The following NELL1 variants were observed in gnomAD, a reference collection of about 807,000 sequenced individuals.
The protein encoded by NELL1 is protein kinase C-binding protein NELL1.
Under a neutral mutation model 107.4 loss-of-function variants are expected in NELL1, and 76 were observed. The observed-to-expected ratio is 0.71, with a 90% CI of 0.59 to 0.86. The LOEUF (loss-of-function observed/expected upper bound fraction) is 0.86, where lower values mean the gene tolerates loss of function less well. Ranked by LOEUF, NELL1 falls within the 40% of genes least tolerant of loss-of-function variation. NELL1 has a pLI of 0.00. For missense variants in NELL1, 1,024 were observed against 1,005.5 expected (o/e 1.02, Z -0.25); for synonymous variants, 353 against 341.2 (o/e 1.03, Z -0.38).
chr11:21,479,929 C>T (rs115876261), intron 15 of NELL1, among the ~76,000 whole-genome samples: 9,105 of 152,054 alleles, frequency 0.06, 336 homozygotes, highest in African/African-American at 0.093. Flanking sequence ...TCGAGATAAA[C>T]AGCTCTAAGT....
chr11:20,766,207 C>T (rs938215055), intron 2 of NELL1, among the ~76,000 whole-genome samples: 1 of 152,344 alleles, frequency 6.6e-6, no homozygotes, highest in East Asian at 1.9e-4. Context: ...AGCCCAAACA[C>T]TGGGCTGGAT....
At chr11:20,856,046 C>A (rs1227032537) in intron 4 of NELL1, among the ~76,000 whole-genome samples, 3 of 152,342 alleles carry the variant, frequency 2.0e-5, no homozygotes, top group Admixed American at 2.0e-4. Context: ...GCAGCCAGAG[C>A]TGTTGGACAC....
chr11:21,275,600 A>AAGAG (rs1848837158), intron 14 of NELL1, among the ~76,000 whole-genome samples: 1 of 152,186 alleles, frequency 6.6e-6, no homozygotes, highest in Admixed American at 6.5e-5. Context: ...ACAACAAAAA[A>AAGAG]AGAGAATTTT....
At chr11:21,015,453 T>C (rs558734625) in intron 12 of NELL1, among the ~76,000 whole-genome samples, 241 of 152,264 alleles carry the variant, frequency 1.6e-3, no homozygotes, top group Non-Finnish European at 2.9e-3. Context: ...AAAATGCCTG[T>C]CCAGGTGGTG....
intron 14 of NELL1, among the ~76,000 whole-genome samples, chr11:21,268,519 G>A (rs897948627): frequency 6.6e-6 from 1 of 152,100 alleles, no homozygotes; most frequent in Non-Finnish European, 1.5e-5. Flanking sequence ...CCACATGGGG[G>A]AAGAAAAATT....
chr11:21,186,799 T>C (rs935538042), intron 13 of NELL1, among the ~76,000 whole-genome samples: 1 of 151,824 alleles, frequency 6.6e-6, no homozygotes, highest in African/African-American at 2.4e-5. Flanking sequence ...GAATAAGTAG[T>C]GGATTGTTTG....
At chr11:21,573,005 T>C (rs1168274078) in intron 18 of NELL1, among the ~76,000 whole-genome samples, 180 bp from the exon 19 acceptor site, 1 of 151,850 alleles carries the variant, frequency 6.6e-6, no homozygotes, top group Non-Finnish European at 1.5e-5. Context: ...AGCAAAAGCA[T>C]TCTGAAAGAA....
chr11:21,082,722 C>G (rs975408096), intron 12 of NELL1, among the ~76,000 whole-genome samples: 1 of 151,884 alleles, frequency 6.6e-6, no homozygotes, highest in Admixed American at 6.6e-5. Context: ...CCCCTCCCCC[C>G]AAAAAAACAG....
rs367659325 is a variant in NELL1, at chr11:21,231,015, T to C, written c.1549+1561T>C. Among the ~76,000 whole-genome samples, 5 of 152,314 alleles carry C rather than the reference T, an allele frequency of 3.3e-5. No homozygotes were observed. In the East Asian group the frequency reaches 7.7e-4, roughly 23 times the overall value. On this transcript the variant is annotated intron_variant, in intron 14 of 19. Coordinates refer to ENST00000357134, the MANE Select transcript of NELL1 (RefSeq NM_006157.5). ...ACCAAAATATCCATCAGTCTTGGAA[T>C]GATTAAATTTATCTTGGCATATGAA...
rs79822865 is a variant in NELL1 at position 20,718,005 on chromosome 11, C to A, written c.184+39945C>A. 3.0e-3 allele frequency among the ~76,000 whole-genome samples: 452 copies of A among 152,318 alleles called. 2 individuals are homozygous for A. Among genetic ancestry groups the A allele is most frequent in the African/African-American group, 0.01 (424 of 41,570 alleles). The stretch of plus-strand genomic sequence containing the variant: ...ACTTGTTCCTGCTAATCTCTGACTT[C>A]TCCCTTCTTGAGCTCATGCAGTTAG... On this transcript the variant is annotated intron_variant, in intron 2 of 19. Transcript: ENST00000357134.
At chr11:21,303,005 A>G (rs1187992776) in intron 14 of NELL1, among the ~76,000 whole-genome samples, 1 of 151,924 alleles carries the variant, frequency 6.6e-6, no homozygotes, top group Admixed American at 6.6e-5. Flanking sequence ...AGAATAGAGC[A>G]AGCCATGATC....
At chr11:21,245,694 A>G (rs564209214) in intron 14 of NELL1, among the ~76,000 whole-genome samples, 2 of 152,298 alleles carry the variant, frequency 1.3e-5, no homozygotes, top group East Asian at 1.9e-4. Context: ...CTTATCATGT[A>G]TGGGTTATTT....
At chr11:21,406,098 T>C (rs1852228242) in intron 15 of NELL1, among the ~76,000 whole-genome samples, 1 of 151,942 alleles carries the variant, frequency 6.6e-6, no homozygotes, top group Non-Finnish European at 1.5e-5. Flanking sequence ...ATAAAAACTT[T>C]GTAAAGGAAG....
At chr11:21,105,068 G>T (rs1280711839) in intron 12 of NELL1, among the ~76,000 whole-genome samples, 2 of 152,072 alleles carry the variant, frequency 1.3e-5, no homozygotes, top group Non-Finnish European at 2.9e-5. Flanking sequence ...ATTTGGGGGG[G>T]ACACAGTTCA....
At chr11:20,780,967 G>T (rs1054760960) in intron 2 of NELL1, among the ~76,000 whole-genome samples, 1 of 152,216 alleles carries the variant, frequency 6.6e-6, no homozygotes, top group Non-Finnish European at 1.5e-5. Flanking sequence ...TGAGCAATGG[G>T]AAGCCATTGG....
At chr11:21,374,615 C>G (rs879911143) in intron 15 of NELL1, among the ~76,000 whole-genome samples, 3 of 152,036 alleles carry the variant, frequency 2.0e-5, no homozygotes, top group African/African-American at 4.8e-5. Flanking sequence ...CTTAAAAAAA[C>G]GATTGTCAAA....
At chr11:20,843,169 C>T (rs1354283177) in intron 3 of NELL1, among the ~76,000 whole-genome samples, 1 of 152,092 alleles carries the variant, frequency 6.6e-6, no homozygotes, top group Non-Finnish European at 1.5e-5. Flanking sequence ...CTGGGTTTCT[C>T]TCTATCTGGA....
Position 21,534,427 on chromosome 11 carries a change from G to A in NELL1, c.1699G>A (p.Val567Ile), listed in dbSNP as rs748385708. The change falls in exon 16 of 20, where the codon GTT becomes ATT. Residue 567 changes from valine to isoleucine, a missense_variant. By Grantham distance (29) the Val-to-Ile change is conservative. Coordinates refer to ENST00000357134, the MANE Select transcript of NELL1 (RefSeq NM_006157.5). ...TGAGTGCCACAACCATTCCCGCTGC[G>A]TTAACCTGCCAGGGTGGTACCACTG... ...IIECHNHSRC[V>I]NLPGWYHCEC... 9.3e-6 allele frequency: 15 copies of A among 1,613,742 alleles called. No individual in the cohort carries two copies. In the Admixed American group the frequency reaches 1.5e-4, roughly 16 times the overall value.
At chr11:21,005,713 C>A (rs1410237665) in intron 12 of NELL1, among the ~76,000 whole-genome samples, 1 of 152,148 alleles carries the variant, frequency 6.6e-6, no homozygotes, top group Non-Finnish European at 1.5e-5. Flanking sequence ...ATTGTCTGTG[C>A]ACACTTGCTT....
Sources: allele counts gnomAD v4.1 joint callset (sites outside exome capture counted in the v4.1 genomes callset), GRCh38; gene constraint gnomAD v4.1.1; transcripts MANE v1.5; gene names NCBI Gene and HGNC (gene_info 2026-07-23, HGNC 2026-07-21).